Variants in ATP6V1E2 observed in about 807,000 individuals in gnomAD.
ATP6V1E2 encodes V-type proton ATPase subunit E 2.
For synonymous variants in ATP6V1E2, 121 were observed against 104.2 expected, an observed-to-expected ratio of 1.16 and a Z score of -0.98; for missense variants, 308 against 273.3, an observed-to-expected ratio of 1.13 and a Z score of -0.90.
At chr2:46,536,238 G>GA (rs1667438772) in intron 3 of ATP6V1E2, among the ~76,000 whole-genome samples, 1 of 152,214 alleles carries the variant, frequency 6.6e-6, no homozygotes, top group Non-Finnish European at 1.5e-5. Flanking sequence ...TAATCAACTA[G>GA]AAAAAGAGAT....
chr2:46,517,319 C>A (rs13008445), intron 4 of ATP6V1E2, among the ~76,000 whole-genome samples: 40,904 of 152,058 alleles, frequency 0.27, 6,769 homozygotes, highest in Non-Finnish European at 0.37. Context: ...TTTAAGCATA[C>A]ACAAAAATCA....
chr2:46,523,409 T>C (rs187266098), intron 4 of ATP6V1E2, among the ~76,000 whole-genome samples: 22 of 152,372 alleles, frequency 1.4e-4, no homozygotes, highest in African/African-American at 5.3e-4. Context: ...AGTTAATTTT[T>C]ACATAAGGTG....
chr2:46,525,500 A>T (rs1666874037), intron 4 of ATP6V1E2, among the ~76,000 whole-genome samples: 1 of 148,614 alleles, frequency 6.7e-6, no homozygotes. Context: ...GAAAGCAGGG[A>T]CAGGCACCCT....
chr2:46,516,287 C>T (rs558566966), intron 4 of ATP6V1E2, among the ~76,000 whole-genome samples: 14 of 152,284 alleles, frequency 9.2e-5, no homozygotes, highest in African/African-American at 2.6e-4. Flanking sequence ...GGTTATAAAA[C>T]GAATCTCAAT....
chr2:46,521,128 T>C lies in ATP6V1E2; in HGVS notation c.-101-8316A>G, dbSNP rs116432999. 2.7e-3 allele frequency among the ~76,000 whole-genome samples: 414 copies of C among 152,308 alleles called. 3 individuals carry two copies. Among genetic ancestry groups the C allele is most frequent in the African/African-American group, 9.3e-3 (388 of 41,560 alleles). ...GGTCTCACCATTTTGCTGAGGCCGA[T>C]ATCAAATTCTTGGGCTCAAGCAATC... On this transcript the variant is annotated intron_variant, in intron 4 of 4. Coordinates refer to ENST00000522587, the MANE Select transcript of ATP6V1E2 (RefSeq NM_001318063.2).
intron 4 of ATP6V1E2, chr2:46,519,762 T>C (rs1666508621): frequency 6.6e-6 from 1 of 152,248 alleles, no homozygotes; most frequent in Non-Finnish European, 1.5e-5. Flanking sequence ...TAGTTATTAT[T>C]ATCATCATGA....
Position 46,530,216 on chromosome 2 carries a change from A to T in ATP6V1E2, c.-102+5597T>A, listed in dbSNP as rs368785227. ...CCAGCCCCAGGATTCCCTGGTCCCTACAGCATGTGAGACACCAGGATGGCG... is the reference window on the plus strand; with the variant it reads ...CCAGCCCCAGGATTCCCTGGTCCCTTCAGCATGTGAGACACCAGGATGGCG... On this transcript the variant is annotated intron_variant, in intron 4 of 4. Transcript: ENST00000522587. This position sits in a 1 kb window ranked among gnomAD's most constrained non-coding sequence, Gnocchi z 5.2. Among the ~76,000 whole-genome samples, 32 of 152,230 alleles carry T rather than the reference A, an allele frequency of 2.1e-4. No individual in the cohort carries two copies. The highest frequency in any genetic ancestry group is 7.7e-4 in the African/African-American group (32 of 41,530).
chr2:46,512,232 C>A lies in ATP6V1E2; in HGVS notation c.480G>T (p.Gln160His), dbSNP rs757520872. Residue 160 changes from glutamine (Q) to histidine (H), a missense_variant, in exon 5 of 5, where the codon CAG becomes CAT. Physicochemically the swap from Gln to His is conservative, Grantham distance 24 (BLOSUM62 0). Transcript: ENST00000522587. ...KAIPEYMTIS[Q>H]KHVEVQIDKE... The stretch of plus-strand genomic sequence containing the variant: ...TATCAATCTGGACCTCCACATGTTT[C>A]TGGGAAATTGTCATGTACTCGGGGA... 5 of 1,614,034 alleles carry A rather than the reference C, an allele frequency of 3.1e-6. No homozygotes were observed. Among genetic ancestry groups the A allele is most frequent in the Non-Finnish European group, 3.4e-6 (4 of 1,179,992 alleles).
In ATP6V1E2 at chr2:46,518,405, G is replaced by C. The variant is rs142339611; in HGVS notation, c.-101-5593C>G. On this transcript the variant is annotated intron_variant, in intron 4 of 4. Coordinates refer to ENST00000522587, the MANE Select transcript of ATP6V1E2 (RefSeq NM_001318063.2). ...AGTTTTCGTGATGCAAGATGAAAAAGTTCTAGAGACCTGCTGTACAGTAAC... is the reference window on the plus strand; with the variant it reads ...AGTTTTCGTGATGCAAGATGAAAAACTTCTAGAGACCTGCTGTACAGTAAC... 9.2e-5 allele frequency among the ~76,000 whole-genome samples: 14 copies of C among 151,618 alleles called. No homozygotes were observed. In the East Asian group the frequency reaches 2.7e-3, roughly 29 times the overall value.
chr2:46,526,719 T>G (rs1666939142), intron 4 of ATP6V1E2, among the ~76,000 whole-genome samples: 3 of 152,232 alleles, frequency 2.0e-5, no homozygotes, highest in Non-Finnish European at 4.4e-5. Context: ...AGAATTTCCT[T>G]CCTTTTTATG....
intron 4 of ATP6V1E2, 103 bp from the exon 5 acceptor site, chr2:46,512,915 G>C: frequency 3.8e-6 from 2 of 527,554 alleles, no homozygotes; most frequent in Admixed American, 3.6e-5. Flanking sequence ...GGAAATTGAG[G>C]TCCAGAGAAG....
At chr2:46,515,086 G>A (rs939247057) in intron 4 of ATP6V1E2, among the ~76,000 whole-genome samples, 1 of 152,104 alleles carries the variant, frequency 6.6e-6, no homozygotes, top group Non-Finnish European at 1.5e-5. Context: ...ATAAACAAAA[G>A]CTGAGGAAGT....
chr2:46,511,886 T>G lies in ATP6V1E2; in HGVS notation c.*145A>C, dbSNP rs1193278897. ...TTGGGCTTTATTTCAAAGTTAACAC[T>G]TTAGCTATCCAAAGGGTATTTCGTG... On this transcript the variant is annotated 3_prime_UTR_variant, in exon 5 of 5. Coordinates refer to ENST00000522587, the MANE Select transcript of ATP6V1E2 (RefSeq NM_001318063.2). 1 of 703,768 alleles carries G rather than the reference T, an allele frequency of 1.4e-6. No homozygotes were observed. The highest frequency in any genetic ancestry group is 2.2e-6 in the Non-Finnish European group (1 of 456,710). The allele number at this position is 703,768 out of a possible 1,614,324, so 43.6% of individuals were successfully genotyped here.
At chr2:46,525,433 G>A (rs1473685529) in intron 4 of ATP6V1E2, among the ~76,000 whole-genome samples, 11 of 140,736 alleles carry the variant, frequency 7.8e-5, no homozygotes, top group South Asian at 2.3e-4. Context: ...CAGCACTCCC[G>A]CCTGGGCGAC....
intron 4 of ATP6V1E2, among the ~76,000 whole-genome samples, chr2:46,522,270 G>T (rs56665981): frequency 6.7e-6 from 1 of 148,834 alleles, no homozygotes; most frequent in East Asian, 2.0e-4. Flanking sequence ...GGCGACAGAC[G>T]GAGACTCTGT....
At chr2:46,514,302 A>AAAAAAG in intron 4 of ATP6V1E2, among the ~76,000 whole-genome samples, 1 of 152,020 alleles carries the variant, frequency 6.6e-6, no homozygotes, top group South Asian at 2.1e-4. Context: ...AAATAAAAAG[A>AAAAAAG]AAAAAGAAAA....
intron 4 of ATP6V1E2, among the ~76,000 whole-genome samples, chr2:46,514,596 T>A (rs1303572911): frequency 6.6e-6 from 1 of 151,910 alleles, no homozygotes; most frequent in Non-Finnish European, 1.5e-5. Flanking sequence ...TTTGAAATTA[T>A]CCAGTCAAAG....
intron 4 of ATP6V1E2, among the ~76,000 whole-genome samples, chr2:46,525,413 G>T (rs1159454479): frequency 7.0e-6 from 1 of 142,886 alleles, no homozygotes; most frequent in Non-Finnish European, 1.5e-5. Context: ...AGTGAGCCGA[G>T]ATCGCGCCAC....
At chr2:46,539,539 C>T (rs1266285806) in intron 2 of ATP6V1E2, among the ~76,000 whole-genome samples, 1 of 152,262 alleles carries the variant, frequency 6.6e-6, no homozygotes, top group Non-Finnish European at 1.5e-5. Flanking sequence ...TGGCCCTGGC[C>T]TTTGGCCTTT....
Sources: gnomAD v4.1 joint callset for allele counts (sites outside exome capture counted in the v4.1 genomes callset) on GRCh38, gnomAD v4.1.1 for gene constraint, Gnocchi (gnomAD v3.1) non-coding constraint, MANE v1.5 for transcripts, NCBI Gene and HGNC (gene_info 2026-07-23, HGNC 2026-07-21) for gene names.